RYR2: variants seen among roughly 807,000 people sequenced by gnomAD.
The protein encoded by RYR2 is ryanodine receptor 2, also known as cardiac muscle ryanodine receptor-calcium release channel.
RYR2 carries 227 observed loss-of-function variants against 601.1 expected under a neutral mutation model. The ratio of observed to expected loss-of-function variants is 0.38; its 90% confidence interval spans 0.34 to 0.42. The LOEUF (loss-of-function observed/expected upper bound fraction) is 0.42. Ranked by LOEUF, RYR2 falls within the 10% of genes least tolerant of loss-of-function variation. The probability of loss-of-function intolerance (pLI) is 1.00; values close to 1 mark genes in which losing one functional copy is unlikely to be tolerated. For synonymous variants in RYR2, 2,223 were observed against 2,175.1 expected (o/e 1.02, Z -0.61); for missense variants, 4,646 against 6,156.5 (o/e 0.75, Z 8.21).
intron 14 of RYR2, 78 bp from the exon 15 acceptor site, chr1:237,454,313 C>A (rs1368611967): frequency 2.8e-6 from 4 of 1,414,646 alleles, no homozygotes; most frequent in Non-Finnish European, 3.8e-6. Flanking sequence ...GAGATTAATG[C>A]CTGAAATCAT....
At chr1:237,672,234 T>A (rs1301325566) in intron 58 of RYR2, among the ~76,000 whole-genome samples, 1 of 152,192 alleles carries the variant, frequency 6.6e-6, no homozygotes, top group South Asian at 2.1e-4. Context: ...GTGGGTACTT[T>A]GCATTCTTAG....
chr1:237,795,360 T>C, intron 96 of RYR2, 29 bp downstream of exon 96: 1 of 1,191,744 alleles, frequency 8.4e-7, no homozygotes, highest in Non-Finnish European at 1.2e-6. Flanking sequence ...CTCTACATTT[T>C]TCTTAAAGCA....
chr1:237,280,533 A>G (rs532058929), intron 2 of RYR2, among the ~76,000 whole-genome samples: 4 of 152,246 alleles, frequency 2.6e-5, no homozygotes, highest in South Asian at 2.1e-4. Flanking sequence ...TATAATATTT[A>G]TTTCCCAATA....
intron 37 of RYR2, among the ~76,000 whole-genome samples, chr1:237,615,383 G>A (rs1355981223): frequency 6.6e-6 from 1 of 152,018 alleles, no homozygotes; most frequent in Non-Finnish European, 1.5e-5. Context: ...GTCGAAATGA[G>A]GTCTCGCTCT....
chr1:237,573,688 T>C (rs1229385150), intron 29 of RYR2, among the ~76,000 whole-genome samples: 9 of 151,570 alleles, frequency 5.9e-5, no homozygotes, highest in Non-Finnish European at 1.2e-4. Flanking sequence ...GGCGGGCACT[T>C]GTAGTTCCAG....
chr1:237,580,026 G>A (rs1234350770), intron 29 of RYR2, among the ~76,000 whole-genome samples: 1 of 152,144 alleles, frequency 6.6e-6, no homozygotes, highest in Non-Finnish European at 1.5e-5. Flanking sequence ...CTTCTCTGAT[G>A]TGAAGCGTGT....
chr1:237,677,253 AG>A (rs1286302096), intron 60 of RYR2, among the ~76,000 whole-genome samples: 1 of 152,176 alleles, frequency 6.6e-6, no homozygotes, highest in African/African-American at 2.4e-5. Context: ...AAAACCTGAT[AG>A]CTCTCCAATA....
intron 10 of RYR2, among the ~76,000 whole-genome samples, chr1:237,415,787 A>G (rs2150022164): frequency 6.6e-6 from 1 of 152,364 alleles, no homozygotes; most frequent in East Asian, 1.9e-4. Flanking sequence ...ACAGGGGAAA[A>G]TTAAAAACAT....
At chr1:237,471,686 C>T (rs1406167894) in intron 17 of RYR2, among the ~76,000 whole-genome samples, 2 of 151,184 alleles carry the variant, frequency 1.3e-5, no homozygotes, top group Non-Finnish European at 2.9e-5. Context: ...CAACCAAGTA[C>T]AGTCCAGTGT....
intron 36 of RYR2, among the ~76,000 whole-genome samples, chr1:237,611,467 G>A (rs1011208086): frequency 2.0e-5 from 3 of 152,098 alleles, no homozygotes; most frequent in African/African-American, 2.4e-5. Context: ...GAGTGTCTTC[G>A]AAACAAGTTT....
chr1:237,684,789 A>ATATATATATAT (rs752960205), intron 62 of RYR2, among the ~76,000 whole-genome samples: 1 of 151,738 alleles, frequency 6.6e-6, no homozygotes. Context: ...ATATATATAT[A>ATATATATATAT]ATGCTTGAAG....
chr1:237,380,914 C>G (rs139973605), intron 8 of RYR2, among the ~76,000 whole-genome samples: 6 of 151,954 alleles, frequency 3.9e-5, no homozygotes, highest in Non-Finnish European at 7.4e-5. Flanking sequence ...CCCGTCTCTA[C>G]TAAAAATACA....
intron 81 of RYR2, among the ~76,000 whole-genome samples, chr1:237,757,242 T>C (rs2222384): frequency 0.97 from 147,142 of 152,248 alleles, 71,326 homozygotes; most frequent in East Asian, 1. Flanking sequence ...ATAAACCAGA[T>C]GTCAAACATA....
chr1:237,230,492 G>A (rs944694538), intron 1 of RYR2, among the ~76,000 whole-genome samples: 6 of 152,100 alleles, frequency 3.9e-5, no homozygotes, highest in African/African-American at 1.4e-4. Flanking sequence ...GACATTGAAA[G>A]TAGAGACAGC....
chr1:237,367,743 A>G (rs943511404), intron 5 of RYR2, among the ~76,000 whole-genome samples: 25 of 152,078 alleles, frequency 1.6e-4, no homozygotes, highest in Admixed American at 1.2e-3. Flanking sequence ...TTTCTGTGCA[A>G]CCCAACACTA....
At chr1:237,475,178 G>T (rs2150336837) in intron 17 of RYR2, among the ~76,000 whole-genome samples, 1 of 152,296 alleles carries the variant, frequency 6.6e-6, no homozygotes, top group South Asian at 2.1e-4. Context: ...CAATAAGTGA[G>T]CTAACACAGA....
chr1:237,402,894 GC>G, intron 10 of RYR2, among the ~76,000 whole-genome samples: 1 of 11,058 alleles, frequency 9.0e-5, no homozygotes, highest in Non-Finnish European at 2.8e-4. Flanking sequence ...CCATCCCCCT[GC>G]TTCAGCCTCC....
chr1:237,689,845 C>CTTT (rs537648561), intron 63 of RYR2, among the ~76,000 whole-genome samples: 1 of 140,394 alleles, frequency 7.1e-6, no homozygotes, highest in African/African-American at 2.6e-5. Flanking sequence ...ATCTTTAAGT[C>CTTT]TTTTTTTTTT....
intron 2 of RYR2, among the ~76,000 whole-genome samples, chr1:237,283,556 C>T (rs185770136): frequency 3.5e-4 from 54 of 152,166 alleles, no homozygotes; most frequent in Middle Eastern, 6.8e-3. Flanking sequence ...GACTGGATTT[C>T]CTTATTTAGG....
Sources: gnomAD v4.1 joint callset for allele counts (sites outside exome capture counted in the v4.1 genomes callset) on GRCh38, gnomAD v4.1.1 for gene constraint, MANE v1.5 for transcripts, NCBI Gene and HGNC (gene_info 2026-07-23, HGNC 2026-07-21) for gene names.